ERO1B: variants seen among roughly 807,000 people sequenced by gnomAD.
ERO1B encodes endoplasmic reticulum oxidoreductase 1 beta, also known as ERO1-like protein beta.
Under a neutral mutation model 75.3 loss-of-function variants are expected in ERO1B, and 49 were observed. The ratio of observed to expected loss-of-function variants is 0.65; its 90% CI spans 0.52 to 0.83. ERO1B has a LOEUF of 0.83. Ranked by LOEUF, ERO1B falls within the 40% of genes least tolerant of loss-of-function variation. The pLI is 0.00. For missense variants in ERO1B, 512 were observed against 560.1 expected, an observed-to-expected ratio of 0.91 and a Z score of 0.87; for synonymous variants, 191 against 192.9, an observed-to-expected ratio of 0.99 and a Z score of 0.08.
At chr1:236,277,819 T>C (rs1256470436) in intron 1 of ERO1B, among the ~76,000 whole-genome samples, 2 of 152,230 alleles carry the variant, frequency 1.3e-5, no homozygotes, top group African/African-American at 4.8e-5. Context: ...AGCTATTTAA[T>C]CTATCCATCG....
chr1:236,233,405 T>C (rs1006712557), intron 8 of ERO1B, among the ~76,000 whole-genome samples: 4 of 151,146 alleles, frequency 2.6e-5, no homozygotes, highest in African/African-American at 9.7e-5. Context: ...AAGATCAGCC[T>C]GGCCAAGATA....
At chr1:236,222,085 T>C (rs1457903234) in intron 13 of ERO1B, 75 bp from the exon 14 acceptor site, 3 of 1,020,990 alleles carry the variant, frequency 2.9e-6, no homozygotes, top group Non-Finnish European at 4.5e-6. Context: ...GATAAGTAAG[T>C]TTTGATGCTT....
intron 1 of ERO1B, among the ~76,000 whole-genome samples, chr1:236,273,738 C>T (rs1034371006): frequency 6.3e-5 from 9 of 143,524 alleles, no homozygotes; most frequent in Admixed American, 3.7e-4. Context: ...CTCAGGGGGT[C>T]GAGGTTGCAG....
intron 5 of ERO1B, among the ~76,000 whole-genome samples, chr1:236,247,660 T>C (rs1664918752): frequency 6.6e-6 from 1 of 152,144 alleles, no homozygotes; most frequent in Non-Finnish European, 1.5e-5. Context: ...CAAACACTCA[T>C]TATAATTGCT....
At chr1:236,278,348 AT>A (rs1665752767) in intron 1 of ERO1B, among the ~76,000 whole-genome samples, 1 of 151,848 alleles carries the variant, frequency 6.6e-6, no homozygotes, top group African/African-American at 2.4e-5. Flanking sequence ...GTTTACCCTT[AT>A]ACTGAGGATG....
At position 236,216,573 on chromosome 1, in the gene ERO1B, A is replaced by T. The variant is rs1385628145; in HGVS notation, c.*1943T>A. On this transcript the variant is annotated 3_prime_UTR_variant, in exon 16 of 16. Transcript: ENST00000354619. ...ACCAGATCTTTTAATTTCCTAGAAC[A>T]TACTCTAATATACTAGTTTTCCTAA... is the stretch of plus-strand genomic sequence containing the variant. 6.6e-6 allele frequency: 1 copy of T among 152,118 alleles called. No individual in the cohort carries two copies. The highest frequency in any genetic ancestry group is 1.5e-5 in the Non-Finnish European group (1 of 67,988). The allele number at this position is 152,118 out of a possible 1,614,324, so 9.4% of individuals were successfully genotyped here. A position where few individuals can be genotyped will look rare whatever the true frequency, so the allele number is the denominator to read the frequency against.
chr1:236,266,633 A>G (rs981719053), intron 2 of ERO1B, among the ~76,000 whole-genome samples: 11 of 152,100 alleles, frequency 7.2e-5, no homozygotes, highest in Non-Finnish European at 8.8e-5. Context: ...TTAAAAAATA[A>G]TAATAAGTTA....
In ERO1B at chr1:236,220,812, C is replaced by T. The variant is rs1400518485; in HGVS notation, c.1343+20G>A. 1 of 1,530,524 alleles carries T rather than the reference C, an allele frequency of 6.5e-7. No individual in the cohort carries two copies. The highest frequency in any genetic ancestry group is 8.7e-7 in the Non-Finnish European group (1 of 1,144,870). The allele number at this position is 1,530,524 out of a possible 1,614,324, so 94.8% of individuals were successfully genotyped here. On this transcript the variant is annotated intron_variant, in intron 15 of 15. Coordinates refer to ENST00000354619, the MANE Select transcript of ERO1B (RefSeq NM_019891.4). ...AACCCAATGGGAAATCAAAAATCTT[C>T]AACATATAATGGTTCTTACCTTCCA...
At chr1:236,255,276 C>T (rs1749564) in intron 2 of ERO1B, among the ~76,000 whole-genome samples, 37,631 of 151,740 alleles carry the variant, frequency 0.25, 4,843 homozygotes, top group East Asian at 0.38. Context: ...TGTATTATTG[C>T]TCCTCCAGAT....
At position 236,265,908 on chromosome 1, in the gene ERO1B, T is replaced by G. The variant is rs543891549; in HGVS notation, c.222+3967A>C. Among the ~76,000 whole-genome samples, 260 of 152,334 alleles carry G rather than the reference T, an allele frequency of 1.7e-3. 1 individual carries two copies. Among genetic ancestry groups the G allele is most frequent in the African/African-American group, 5.8e-3 (243 of 41,578 alleles). ...TGGCTCTTTCACATTAGGTAGGACT[T>G]TGCTCAAATGTTACATTAGCATAAA... On this transcript the variant is annotated intron_variant, in intron 2 of 15. Transcript: ENST00000354619.
At chr1:236,254,734 C>T (rs1403322960) in intron 2 of ERO1B, among the ~76,000 whole-genome samples, 2 of 151,234 alleles carry the variant, frequency 1.3e-5, no homozygotes, top group Non-Finnish European at 3.0e-5. Context: ...TGCCTCAGCC[C>T]CCCAAGTAGC....
chr1:236,236,446 C>G lies in ERO1B; in HGVS notation c.506-48G>C, dbSNP rs753521937. On this transcript the variant is annotated intron_variant, in intron 6 of 15. Coordinates refer to ENST00000354619, the MANE Select transcript of ERO1B (RefSeq NM_019891.4). ...AAACCATCCATATTTCACCATTTAT[C>G]TAAGATTTAACAGTACAAAGCAAAC... 2.5e-6 allele frequency: 4 copies of G among 1,603,686 alleles called. No individual in the cohort carries two copies. The South Asian group carries it at 4.4e-5, about 18-fold the overall frequency.
At chr1:236,248,439 A>G (rs1008018822) in intron 5 of ERO1B, among the ~76,000 whole-genome samples, 1 of 152,240 alleles carries the variant, frequency 6.6e-6, no homozygotes, top group African/African-American at 2.4e-5. Flanking sequence ...CTAATGTGAA[A>G]AAAAATTTGG....
chr1:236,222,178 C>T (rs573977258), intron 13 of ERO1B, among the ~76,000 whole-genome samples, 168 bp from the exon 14 acceptor site: 1 of 152,300 alleles, frequency 6.6e-6, no homozygotes, highest in Admixed American at 6.5e-5. Context: ...GGTGCCATCT[C>T]GGCTTAGTGC....
At chr1:236,228,329 T>A (rs910396486) in intron 10 of ERO1B, among the ~76,000 whole-genome samples, 6 of 152,112 alleles carry the variant, frequency 3.9e-5, no homozygotes, top group African/African-American at 1.4e-4. Flanking sequence ...TTAAGCAAAT[T>A]AATAATAAAA....
intron 2 of ERO1B, among the ~76,000 whole-genome samples, chr1:236,262,683 G>A (rs555298292): frequency 3.2e-4 from 49 of 152,288 alleles, no homozygotes; most frequent in African/African-American, 1.2e-3. Flanking sequence ...GGGATTACGA[G>A]CGTGAGCCAC....
intron 6 of ERO1B, among the ~76,000 whole-genome samples, chr1:236,237,706 GTCTC>G (rs1189621238): frequency 1.3e-5 from 2 of 152,160 alleles, no homozygotes; most frequent in African/African-American, 4.8e-5. Flanking sequence ...GTCATTAAAT[GTCTC>G]TCTTTCATTA....
chr1:236,224,600 A>G (rs1664233418), intron 13 of ERO1B, among the ~76,000 whole-genome samples: 1 of 152,228 alleles, frequency 6.6e-6, no homozygotes, highest in East Asian at 1.9e-4. Context: ...CCCAAAACAT[A>G]TTCTCCTTCT....
At chr1:236,279,454 G>C (rs1665774105) in intron 1 of ERO1B, among the ~76,000 whole-genome samples, 1 of 138,606 alleles carries the variant, frequency 7.2e-6, no homozygotes, top group South Asian at 2.4e-4. Context: ...ACTGAGCCAA[G>C]ATGGCGCCAC....
Sources: gnomAD v4.1 joint callset for allele counts (sites outside exome capture counted in the v4.1 genomes callset) on GRCh38, gnomAD v4.1.1 for gene constraint, MANE v1.5 for transcripts, NCBI Gene and HGNC (gene_info 2026-07-23, HGNC 2026-07-21) for gene names.